SERPINI2: variants seen among roughly 807,000 people sequenced by gnomAD.
SERPINI2 encodes the protein serpin family I member 2.
A neutral mutation model predicts 47.3 loss-of-function variants in SERPINI2; 48 were observed. The observed-to-expected ratio is 1.02, with a 90% CI of 0.81 to 1.29. The LOEUF is 1.29. Ranked by LOEUF, SERPINI2 falls within the 50% of genes most tolerant of loss-of-function variation. SERPINI2 has a pLI of 0.00. For missense variants in SERPINI2, 448 were observed against 456.9 expected, an observed-to-expected ratio of 0.98 and a Z score of 0.18; for synonymous variants, 135 against 149.3, an observed-to-expected ratio of 0.90 and a Z score of 0.70.
At chr3:167,471,936 A>G (rs1300410702) in intron 1 of SERPINI2, 92 bp from the exon 2 acceptor site, 2 of 898,840 alleles carry the variant, frequency 2.2e-6, no homozygotes, top group Non-Finnish European at 3.4e-6. Context: ...GTAGCTTTCT[A>G]TCTTAATAGA....
exon 9 of SERPINI2, chr3:167,442,018 A>C: frequency 1.1e-6 from 1 of 947,544 alleles, no homozygotes; most frequent in Non-Finnish European, 1.5e-6. Context: ...AAAAGACATA[A>C]GATATAGAGC....
intron 5 of SERPINI2, among the ~76,000 whole-genome samples, chr3:167,462,625 A>G (rs776735264): frequency 5.3e-5 from 8 of 152,212 alleles, no homozygotes; most frequent in Non-Finnish European, 8.8e-5. Context: ...GAACTTCACC[A>G]TATGAATTTG....
chr3:167,467,009 T>A, intron 3 of SERPINI2, 46 bp downstream of exon 3: 2 of 1,402,130 alleles, frequency 1.4e-6, no homozygotes, highest in Non-Finnish European at 2.0e-6. Context: ...TTAAAAACCA[T>A]GAATACAATG....
intron 6 of SERPINI2, among the ~76,000 whole-genome samples, chr3:167,451,210 A>G (rs1749632229): frequency 1.0e-5 from 1 of 98,042 alleles, no homozygotes; most frequent in African/African-American, 2.9e-5. Context: ...TTAACAGATT[A>G]GAATGCTTAC....
At chr3:167,462,801 T>A (rs984635555) in intron 5 of SERPINI2, among the ~76,000 whole-genome samples, 2 of 151,946 alleles carry the variant, frequency 1.3e-5, no homozygotes, top group African/African-American at 4.8e-5. Flanking sequence ...GTGGGAATAG[T>A]TGTATGGGAA....
rs372599776 is a variant in SERPINI2 at position 167,465,467 on chromosome 3, T to C, written c.673+12A>G. On this transcript the variant is annotated intron_variant, in intron 4 of 8. Coordinates refer to ENST00000264677, the Ensembl canonical transcript of SERPINI2. Reference sequence around the variant, plus strand: ...CAAGACTATGCTTAGGAACTGTGGTTTCTCACATTACCATATTTTGTTCTC... The same window carrying C: ...CAAGACTATGCTTAGGAACTGTGGTCTCTCACATTACCATATTTTGTTCTC... 3 of 1,611,300 alleles carry C rather than the reference T, an allele frequency of 1.9e-6. No homozygotes were observed. The highest frequency in any genetic ancestry group is 1.1e-5 in the South Asian group (1 of 90,580).
At chr3:167,452,656 C>G (rs1227036952) in intron 6 of SERPINI2, among the ~76,000 whole-genome samples, 1 of 152,160 alleles carries the variant, frequency 6.6e-6, no homozygotes. Flanking sequence ...CCAAACAGGG[C>G]AGAAATAAAA....
In SERPINI2 at chr3:167,466,128, A is replaced by G. The variant is rs193089879; in HGVS notation, c.479-455T>C. Among the ~76,000 whole-genome samples, 564 of 152,258 alleles carry G rather than the reference A, an allele frequency of 3.7e-3. 2 individuals are homozygous for G. The highest frequency in any genetic ancestry group is 0.024 in the Middle Eastern group (7 of 294). Reference sequence around the variant, plus strand: ...CATTGGAAAGGGAAAAGAATGGAGGATACTAGTATGATCCTTTTCCTCCAA... The same window carrying G: ...CATTGGAAAGGGAAAAGAATGGAGGGTACTAGTATGATCCTTTTCCTCCAA... On this transcript the variant is annotated intron_variant, in intron 3 of 8. Transcript: ENST00000264677.
chr3:167,458,495 C>T (rs183081769), intron 5 of SERPINI2, among the ~76,000 whole-genome samples: 2 of 151,464 alleles, frequency 1.3e-5, no homozygotes, highest in Non-Finnish European at 2.9e-5. Flanking sequence ...ATCTCCTGAC[C>T]TCGTGATCTG....
intron 5 of SERPINI2, among the ~76,000 whole-genome samples, chr3:167,453,267 A>AT (rs146628314): frequency 4.9e-4 from 74 of 151,436 alleles, no homozygotes; most frequent in Admixed American, 1.3e-3. Flanking sequence ...CAGAAATTGC[A>AT]TTTTTTTTTG....
At chr3:167,456,150 C>CTGTGTGTGTG (rs68048909) in intron 5 of SERPINI2, among the ~76,000 whole-genome samples, 3,799 of 144,450 alleles carry the variant, frequency 0.026, 85 homozygotes, top group East Asian at 0.12. Flanking sequence ...TCAATTACCT[C>CTGTGTGTGTG]TGTGTGTGTG....
chr3:167,474,332 T>C (rs1750431388), upstream of SERPINI2, among the ~76,000 whole-genome samples: 2 of 151,820 alleles, frequency 1.3e-5, no homozygotes, highest in Admixed American at 1.3e-4. Flanking sequence ...CGCTACTGGT[T>C]GTAAATTTGC....
At chr3:167,446,137 T>A (rs1211367852) in intron 8 of SERPINI2, among the ~76,000 whole-genome samples, 1 of 152,212 alleles carries the variant, frequency 6.6e-6, no homozygotes, top group Non-Finnish European at 1.5e-5. Context: ...TCTAATCTTC[T>A]GGAGTGGTTT....
chr3:167,473,804 A>G, intron 1 of SERPINI2, 199 bp downstream of exon 1: 1 of 1,441,946 alleles, frequency 6.9e-7, no homozygotes, highest in African/African-American at 1.4e-5. Flanking sequence ...AACCTGATGA[A>G]TAGTCCTATA....
chr3:167,450,766 G>C (rs2108154744), intron 6 of SERPINI2, among the ~76,000 whole-genome samples: 1 of 152,136 alleles, frequency 6.6e-6, no homozygotes, highest in South Asian at 2.1e-4. Context: ...ACACCAAGAG[G>C]AAAGACCAAA....
rs1360044382 is a variant in SERPINI2 at position 167,449,313 on chromosome 3, T to A, written c.1051+3A>T. On this transcript the variant is annotated splice_donor_region_variant and intron_variant, in intron 7 of 8. Coordinates refer to ENST00000264677, the Ensembl canonical transcript of SERPINI2. ...TAGCTTGGCCAGAAATCATTCACCC[T>A]ACCAGTTGATGTTGCAGCTTCACTA... 4 of 1,605,832 alleles carry A rather than the reference T, an allele frequency of 2.5e-6. No homozygotes were observed. In the African/African-American group the frequency reaches 5.3e-5, roughly 21 times the overall value.
chr3:167,467,178 C>A lies in SERPINI2; in HGVS notation c.355G>T (p.Val119Leu), dbSNP rs370385642. The change falls in exon 3 of 9, where the codon GTG (valine) becomes TTG (leucine). Residue 119 changes from valine to leucine, a missense_variant. Coordinates refer to ENST00000264677, the Ensembl canonical transcript of SERPINI2. ...TTGCCATGGAGATACTGTTCTTTCA[C>A]AGTGAATCCTTCTTGAAGGTAGAGG... 14 of 1,613,308 alleles carry A rather than the reference C, an allele frequency of 8.7e-6. No homozygotes were observed. The African/African-American group carries it at 1.5e-4, about 17-fold the overall frequency.
At chr3:167,459,136 G>A (rs1050877609) in intron 5 of SERPINI2, among the ~76,000 whole-genome samples, 2 of 149,792 alleles carry the variant, frequency 1.3e-5, no homozygotes, top group South Asian at 2.1e-4. Context: ...GTGCAGTGGC[G>A]GGATCTCGGC....
chr3:167,473,857 A>G (rs1476555072), intron 1 of SERPINI2, 146 bp downstream of exon 1: 1 of 1,272,046 alleles, frequency 7.9e-7, no homozygotes, highest in Non-Finnish European at 1.0e-6. Flanking sequence ...TTTAAGGAGA[A>G]TAAAAGCGAT....
Sources: gnomAD v4.1 joint callset for allele counts (sites outside exome capture counted in the v4.1 genomes callset) on GRCh38, gnomAD v4.1.1 for gene constraint, MANE v1.5 for transcripts, NCBI Gene and HGNC (gene_info 2026-07-23, HGNC 2026-07-21) for gene names.